The following MRPS27 variants were observed in gnomAD, a reference collection of about 807,000 sequenced individuals.
MRPS27 encodes the protein mitochondrial ribosomal protein S27, also known as small ribosomal subunit protein mS27.
A neutral mutation model predicts 48.9 loss-of-function variants in MRPS27; 43 were observed. The ratio of observed to expected loss-of-function variants is 0.88; its 90% CI spans 0.69 to 1.13. The LOEUF is 1.13. Ranked by LOEUF, MRPS27 falls within the 50% of genes most tolerant of loss-of-function variation. The pLI is 0.00. For missense variants in MRPS27, 467 were observed against 476.3 expected (o/e 0.98, Z 0.18); for synonymous variants, 188 against 171.9 (o/e 1.09, Z -0.73).
intron 4 of MRPS27, among the ~76,000 whole-genome samples, chr5:72,289,787 A>AGGAATGACT (rs1749771885): frequency 6.6e-6 from 1 of 152,216 alleles, no homozygotes; most frequent in Admixed American, 6.5e-5. Context: ...CTTATCCTTC[A>AGGAATGACT]GGAATGACTG....
rs78317666 is a variant in MRPS27, at chr5:72,223,362, G to C, written c.1005+321C>G. On this transcript the variant is annotated intron_variant, in intron 10 of 10. Transcript: ENST00000261413. ...AGAAATGGCCAGATACTTTCCACCT[G>C]GGGTGGGAGTCAGGTTATTGCTATG... Among the ~76,000 whole-genome samples, 176 of 152,322 alleles carry C rather than the reference G, an allele frequency of 1.2e-3. 1 individual carries two copies. Among genetic ancestry groups the C allele is most frequent in the African/African-American group, 3.7e-3 (153 of 41,568 alleles).
intron 4 of MRPS27, among the ~76,000 whole-genome samples, chr5:72,271,640 GAC>G (rs1429168718): frequency 6.6e-6 from 1 of 152,146 alleles, no homozygotes; most frequent in African/African-American, 2.4e-5. Context: ...GGATTAATGA[GAC>G]AACTGACAAA....
chr5:72,301,284 T>C (rs1283914362), intron 2 of MRPS27, among the ~76,000 whole-genome samples: 1 of 152,172 alleles, frequency 6.6e-6, no homozygotes, highest in African/African-American at 2.4e-5. Flanking sequence ...AGCCAAGTGA[T>C]TAAAGCAAAA....
At chr5:72,282,467 A>G (rs1236040901) in intron 4 of MRPS27, among the ~76,000 whole-genome samples, 1 of 152,172 alleles carries the variant, frequency 6.6e-6, no homozygotes, top group East Asian at 1.9e-4. Context: ...CTGTAGCTAT[A>G]ATTCCTGGTA....
chr5:72,259,468 C>CAAAA lies in MRPS27; in HGVS notation c.282-21344_282-21341dup, dbSNP rs11286212. On this transcript the variant is annotated intron_variant, in intron 4 of 10. Transcript: ENST00000261413. ...GGGCAACAAAAGTGAAACTTCGTCT[C>CAAAA]AAAAAAAAAAAAAAAAAAATCCAAT... Among the ~76,000 whole-genome samples the CAAAA allele has an allele frequency of 2.3e-5, 3 of 127,814 alleles. No homozygotes were observed. The South Asian group carries it at 7.8e-4, about 33-fold the overall frequency. 83.9% of individuals were successfully genotyped at this position (127,814 alleles called of 152,430 possible).
intron 2 of MRPS27, among the ~76,000 whole-genome samples, chr5:72,308,222 G>A (rs975940587): frequency 3.3e-5 from 5 of 152,216 alleles, no homozygotes; most frequent in Non-Finnish European, 7.3e-5. Flanking sequence ...AGGACGAAGA[G>A]AGGGGGCACC....
intron 6 of MRPS27, among the ~76,000 whole-genome samples, 164 bp downstream of exon 6, chr5:72,233,954 GT>G (rs1387042264): frequency 1.3e-5 from 2 of 151,980 alleles, no homozygotes; most frequent in Non-Finnish European, 2.9e-5. Flanking sequence ...TAAAAATAAT[GT>G]TTTTAAAAAT....
At position 72,219,935 on chromosome 5, in the gene MRPS27, G is replaced by A. The variant is rs764770125; in HGVS notation, c.*974C>T. ...GCCAATCCAAAAAAGCTTCATGCTAGAGCTAGCTTTCTCCTCAGAAACTTA... is the reference window on the plus strand; with the variant it reads ...GCCAATCCAAAAAAGCTTCATGCTAAAGCTAGCTTTCTCCTCAGAAACTTA... On this transcript the variant is annotated 3_prime_UTR_variant, in exon 11 of 11. Coordinates refer to ENST00000261413, the MANE Select transcript of MRPS27 (RefSeq NM_015084.3). The A allele has an allele frequency of 6.6e-6, 1 of 152,642 alleles. No individual in the cohort carries two copies. Among genetic ancestry groups the A allele is most frequent in the Non-Finnish European group, 1.5e-5 (1 of 68,040 alleles). The allele number at this position is 152,642 out of a possible 1,614,324, so 9.5% of individuals were successfully genotyped here. A position where few individuals can be genotyped will look rare whatever the true frequency, so the allele number is the denominator to read the frequency against.
In MRPS27 at chr5:72,239,241, CT is replaced by C. The variant is rs1407962785; in HGVS notation, c.282-1114del. Reference sequence around the variant, plus strand: ...AGAGGCTGATTATTCAGTCTGCCTCCTGCTATTTCTTGCCATCTGCTATTGG... The same window carrying C: ...AGAGGCTGATTATTCAGTCTGCCTCCGCTATTTCTTGCCATCTGCTATTGG... On this transcript the variant is annotated intron_variant, in intron 4 of 10. Coordinates refer to ENST00000261413, the MANE Select transcript of MRPS27 (RefSeq NM_015084.3). 5.9e-5 allele frequency among the ~76,000 whole-genome samples: 9 copies of C among 152,270 alleles called. No homozygotes were observed. The East Asian group carries it at 1.5e-3, about 26-fold the overall frequency.
intron 8 of MRPS27, chr5:72,227,265 T>G (rs566196519): frequency 2.6e-5 from 4 of 152,220 alleles, no homozygotes; most frequent in Admixed American, 6.5e-5. Context: ...ATGACAGTCC[T>G]GAATGCTGAT....
At chr5:72,242,756 A>G (rs533728953) in intron 4 of MRPS27, among the ~76,000 whole-genome samples, 2 of 152,194 alleles carry the variant, frequency 1.3e-5, no homozygotes, top group East Asian at 3.9e-4. Context: ...GGGGAAAAAA[A>G]AGGAAAATAT....
chr5:72,236,048 T>G (rs1748192450), intron 5 of MRPS27, among the ~76,000 whole-genome samples: 1 of 152,158 alleles, frequency 6.6e-6, no homozygotes, highest in East Asian at 1.9e-4. Context: ...GTTTTTCTTT[T>G]GTTAATCTGA....
chr5:72,258,660 G>A (rs1372827408), intron 4 of MRPS27, among the ~76,000 whole-genome samples: 1 of 152,076 alleles, frequency 6.6e-6, no homozygotes, highest in African/African-American at 2.4e-5. Flanking sequence ...CCCCTCAATA[G>A]AACATGGCAA....
chr5:72,280,448 C>T (rs1321973715), intron 4 of MRPS27, among the ~76,000 whole-genome samples: 1 of 151,756 alleles, frequency 6.6e-6, no homozygotes, highest in Non-Finnish European at 1.5e-5. Flanking sequence ...TTTCCATAAA[C>T]AAGAAATGAT....
intron 4 of MRPS27, among the ~76,000 whole-genome samples, chr5:72,280,723 C>T (rs1222477657): frequency 1.3e-5 from 2 of 152,216 alleles, no homozygotes; most frequent in Non-Finnish European, 2.9e-5. Context: ...TCCCAGCCCA[C>T]AGAACAGACC....
chr5:72,243,266 C>T (rs928650655), intron 4 of MRPS27, among the ~76,000 whole-genome samples: 12 of 152,178 alleles, frequency 7.9e-5, no homozygotes, highest in Non-Finnish European at 1.8e-4. Flanking sequence ...TGAACTAGAA[C>T]CAAAGACCAA....
Position 72,220,822 on chromosome 5 carries a change from C to A in MRPS27, c.*87G>T. Reference sequence around the variant, plus strand: ...AAGAAAAGAAGATGGGTAGAGGAAGCTGAGGCTGTTGTCCAGGCCACTGCT... The same window carrying A: ...AAGAAAAGAAGATGGGTAGAGGAAGATGAGGCTGTTGTCCAGGCCACTGCT... On this transcript the variant is annotated 3_prime_UTR_variant, in exon 11 of 11. Coordinates refer to ENST00000261413, the MANE Select transcript of MRPS27 (RefSeq NM_015084.3). 6.5e-7 allele frequency: 1 copy of A among 1,545,278 alleles called. No homozygotes were observed. Among genetic ancestry groups the A allele is most frequent in the South Asian group, 1.3e-5 (1 of 79,722 alleles).
chr5:72,236,106 A>G (rs1748193906), intron 5 of MRPS27, among the ~76,000 whole-genome samples: 1 of 152,146 alleles, frequency 6.6e-6, no homozygotes, highest in African/African-American at 2.4e-5. Flanking sequence ...AAAGGGAAAG[A>G]AACTAAATTA....
At chr5:72,301,997 T>C (rs1193524231) in intron 2 of MRPS27, among the ~76,000 whole-genome samples, 1 of 152,212 alleles carries the variant, frequency 6.6e-6, no homozygotes, top group Non-Finnish European at 1.5e-5. Context: ...CCAAAGAAGA[T>C]ACTTTTTTGC....
Sources: gnomAD v4.1 joint callset for allele counts (sites outside exome capture counted in the v4.1 genomes callset) on GRCh38, gnomAD v4.1.1 for gene constraint, MANE v1.5 for transcripts, NCBI Gene and HGNC (gene_info 2026-07-23, HGNC 2026-07-21) for gene names.